Variants in KMT2E observed in about 807,000 individuals in gnomAD.
KMT2E encodes the protein lysine methyltransferase 2E (inactive).
In KMT2E, 30 loss-of-function variants were observed where a neutral mutation model predicts 184.6. The ratio of observed to expected loss-of-function variants is 0.16; its 90% CI spans 0.12 to 0.22. The LOEUF is 0.22. Among genes scored for constraint, KMT2E ranks in the 10% least tolerant of loss-of-function variants. The pLI, the probability that KMT2E is intolerant of heterozygous loss-of-function variation, is 1.00. For synonymous variants in KMT2E, 815 were observed against 776.5 expected (o/e 1.05, Z -0.82); for missense variants, 2,023 against 2,237.4 (o/e 0.90, Z 1.93).
intron 19 of KMT2E, among the ~76,000 whole-genome samples, chr7:105,106,299 CT>C (rs985337818): frequency 2.6e-5 from 4 of 152,152 alleles, no homozygotes; most frequent in African/African-American, 9.7e-5. Context: ...TTTGAGACCC[CT>C]AGGCCTATAA....
chr7:105,090,154 A>G lies in KMT2E; in HGVS notation c.1504A>G (p.Lys502Glu). 6.2e-7 allele frequency: 1 copy of G among 1,613,360 alleles called. No individual in the cohort carries two copies. Among genetic ancestry groups the G allele is most frequent in the Non-Finnish European group, 8.5e-7 (1 of 1,179,656 alleles). Residue 502 changes from lysine to glutamate, a missense_variant, in exon 14 of 27, where the codon AAA (lysine) becomes GAA (glutamate). By Grantham distance (56) the Lys-to-Glu change is moderately conservative. Around this residue, in one of 8 missense-constraint regions of KMT2E, gnomAD observed 514 missense variants for 621.8 expected, o/e 0.83. Coordinates refer to ENST00000311117, the MANE Select transcript of KMT2E (RefSeq NM_182931.3). ...GKKDKDISKE[K>E]DTQNQNITLD... ...AAAAGACAAAGATATTTCAAAAGAA[A>G]AAGATACACAAAATCAGAATATTAC...
intron 1 of KMT2E, among the ~76,000 whole-genome samples, chr7:105,030,928 G>A (rs938218044): frequency 5.9e-5 from 9 of 152,188 alleles, no homozygotes; most frequent in African/African-American, 1.9e-4. Context: ...TTTTATGCAC[G>A]TTGTTTTTAG....
At chr7:105,072,158 A>G (rs1199972776) in intron 6 of KMT2E, among the ~76,000 whole-genome samples, 1 of 152,104 alleles carries the variant, frequency 6.6e-6, no homozygotes, top group Non-Finnish European at 1.5e-5. Context: ...CTAAAAATAC[A>G]AAAACAAGAG....
chr7:105,014,613 C>G (rs888779169), intron 1 of KMT2E, 78 bp downstream of exon 1: 1 of 152,076 alleles, frequency 6.6e-6, no homozygotes, highest in South Asian at 2.1e-4. Context: ...GGAGGGAGGT[C>G]TCTCATCTTT....
Position 105,112,404 on chromosome 7 carries a change from CCACCTCCTT to C in KMT2E, c.4650_4658del (p.Pro1551_Ser1553del). 6.2e-7 allele frequency: 1 copy of C among 1,613,040 alleles called. No individual in the cohort carries two copies. Among genetic ancestry groups the C allele is most frequent in the Non-Finnish European group, 8.5e-7 (1 of 1,179,874 alleles). ...CACGGCACCACCCCCTCCACCTCCTCCACCTCCTTCTTCGTCTTACTATCAAAACCAGCA... is the reference window on the plus strand; with the variant it reads ...CACGGCACCACCCCCTCCACCTCCTCCTTCGTCTTACTATCAAAACCAGCA... On this transcript the variant is annotated inframe_deletion, in exon 27 of 27. Coordinates refer to ENST00000311117, the MANE Select transcript of KMT2E (RefSeq NM_182931.3).
intron 5 of KMT2E, 149 bp downstream of exon 5, chr7:105,063,729 C>T: frequency 1.7e-6 from 1 of 588,800 alleles, no homozygotes; most frequent in East Asian, 2.9e-5. Flanking sequence ...CTAGAAAAAG[C>T]CTCCTATGTG....
At chr7:105,086,302 G>A (rs1797961751) in intron 13 of KMT2E, among the ~76,000 whole-genome samples, 1 of 152,208 alleles carries the variant, frequency 6.6e-6, no homozygotes, top group Admixed American at 6.5e-5. Flanking sequence ...TAGGGACATA[G>A]GAGTGGAATT....
At chr7:105,065,372 A>G (rs1001257319) in intron 5 of KMT2E, among the ~76,000 whole-genome samples, 3 of 152,062 alleles carry the variant, frequency 2.0e-5, no homozygotes, top group African/African-American at 7.2e-5. Flanking sequence ...TCTTTTTCAC[A>G]TCTTTTTTCC....
chr7:105,107,977 A>G (rs374089988), intron 22 of KMT2E, 52 bp downstream of exon 22: 2 of 955,710 alleles, frequency 2.1e-6, no homozygotes, highest in Non-Finnish European at 3.0e-6. Flanking sequence ...TTTTTTTTTC[A>G]TAATACTACT....
rs1413391208 is a variant in KMT2E at position 105,023,611 on chromosome 7, A to AT, written c.-189+9083dup. 4.0e-5 allele frequency among the ~76,000 whole-genome samples: 6 copies of AT among 151,436 alleles called. No individual in the cohort carries two copies. In the East Asian group the frequency reaches 5.9e-4, roughly 15 times the overall value. On this transcript the variant is annotated intron_variant, in intron 1 of 26. Coordinates refer to ENST00000311117, the MANE Select transcript of KMT2E (RefSeq NM_182931.3). ...AGGTGCCCACCAGCAGGCCTGGCTAATTTTTTTGTATTTTTAGTAGAGATG... is the reference window on the plus strand; with the variant it reads ...AGGTGCCCACCAGCAGGCCTGGCTAATTTTTTTTGTATTTTTAGTAGAGATG...
At chr7:105,027,299 T>C (rs1454136838) in intron 1 of KMT2E, among the ~76,000 whole-genome samples, 2 of 151,890 alleles carry the variant, frequency 1.3e-5, no homozygotes, top group African/African-American at 4.8e-5. Context: ...AAACAGCCCA[T>C]GCTGGTCTTT....
chr7:105,105,373 A>C, intron 17 of KMT2E, 66 bp from the exon 18 acceptor site: 4 of 1,188,730 alleles, frequency 3.4e-6, no homozygotes, highest in South Asian at 1.6e-5. Flanking sequence ...CAAATCTGGT[A>C]TTAGAATATT....
rs1389742932 is a variant in KMT2E, at chr7:105,090,039, A to C, written c.1389A>C (p.Lys463Asn). Residue 463 changes from lysine (K) to asparagine (N), a missense_variant, in exon 14 of 27, where the codon AAA becomes AAC. Coordinates refer to ENST00000311117, the MANE Select transcript of KMT2E (RefSeq NM_182931.3). ...ACAAGGTGGACTGTGCATGCCTCAA[A>C]GAAAACCCAGAGTGCCCTGTTCTAA... The part of the protein sequence containing the change: ...CKYKVDCACL[K>N]ENPECPVLKR... The C allele has an allele frequency of 6.8e-6, 11 of 1,613,500 alleles. No homozygotes were observed. Among genetic ancestry groups the C allele is most frequent in the Non-Finnish European group, 9.3e-6 (11 of 1,179,812 alleles).
chr7:105,022,197 C>T (rs1375807709), intron 1 of KMT2E, among the ~76,000 whole-genome samples: 2 of 152,058 alleles, frequency 1.3e-5, no homozygotes, highest in Non-Finnish European at 2.9e-5. Flanking sequence ...AGTCCATATT[C>T]TAGTTTTATC....
chr7:105,081,666 G>T (rs1434109675), intron 12 of KMT2E, 22 bp from the exon 13 acceptor site: 1 of 1,128,062 alleles, frequency 8.9e-7, no homozygotes. Context: ...TTATGGTAAT[G>T]TACAATTATT....
At chr7:105,063,691 A>C (rs745355770) in intron 5 of KMT2E, 111 bp downstream of exon 5, 5 of 696,310 alleles carry the variant, frequency 7.2e-6, no homozygotes, top group Non-Finnish European at 1.2e-5. Context: ...TACATATTTT[A>C]AGTGGGACTT....
rs1483537854 is a variant in KMT2E at position 105,071,580 on chromosome 7, GTGTATATA to G, written c.498-2037_498-2030del. On this transcript the variant is annotated intron_variant, in intron 6 of 26. Transcript: ENST00000311117. ...TATGTATGTATGTATGTATGTGTGT[GTGTATATA>G]TATATATATATATATATATATTTTT... is the stretch of plus-strand genomic sequence containing the variant. 2.8e-3 allele frequency among the ~76,000 whole-genome samples: 180 copies of G among 64,970 alleles called. 9 individuals carry two copies. Among genetic ancestry groups the G allele is most frequent in the Middle Eastern group, 0.017 (2 of 118 alleles). The allele number at this position is 64,970 out of a possible 152,430, so 42.6% of individuals were successfully genotyped here. A position where few individuals can be genotyped will look rare whatever the true frequency, so the allele number is the denominator to read the frequency against.
At chr7:105,110,743 C>G (rs183731530) in intron 25 of KMT2E, 28 bp from the exon 26 acceptor site, 3 of 1,597,218 alleles carry the variant, frequency 1.9e-6, no homozygotes, top group African/African-American at 2.7e-5. Context: ...TAATTTTATA[C>G]TTACTATAGG....
chr7:105,077,264 A>T (rs768984314), intron 10 of KMT2E, 39 bp from the exon 11 acceptor site: 11 of 1,602,810 alleles, frequency 6.9e-6, no homozygotes, highest in Non-Finnish European at 8.5e-6. Flanking sequence ...ACTGAAAACA[A>T]GCAAGTTTAT....
Sources: gnomAD v4.1 joint callset for allele counts (sites outside exome capture counted in the v4.1 genomes callset) on GRCh38, gnomAD v4.1.1 for gene constraint, gnomAD v4.1.1 regional missense constraint, MANE v1.5 for transcripts, NCBI Gene and HGNC (gene_info 2026-07-23, HGNC 2026-07-21) for gene names.